Variants in IQSEC1 observed in about 807,000 individuals in gnomAD.
IQSEC1 encodes IQ motif and SEC7 domain-containing protein 1.
Under a neutral mutation model 91.0 loss-of-function variants are expected in IQSEC1, and 31 were observed. The observed-to-expected ratio is 0.34, with a 90% CI of 0.26 to 0.46. The LOEUF is 0.46. Ranked by LOEUF, IQSEC1 falls within the 20% of genes least tolerant of loss-of-function variation. IQSEC1 has a pLI of 1.00. For missense variants in IQSEC1, 1,388 were observed against 1,575.6 expected (o/e 0.88, Z 2.02); for synonymous variants, 699 against 662.6 (o/e 1.05, Z -0.84).
chr3:13,026,550 G>A (rs1433761672), intron 1 of IQSEC1, among the ~76,000 whole-genome samples: 1 of 152,190 alleles, frequency 6.6e-6, no homozygotes, highest in Non-Finnish European at 1.5e-5. Context: ...AGCCTGGTGG[G>A]GCTGGCCTTC....
At chr3:13,269,651 C>A (rs1695559496) in intron 1 of IQSEC1, among the ~76,000 whole-genome samples, 1 of 152,228 alleles carries the variant, frequency 6.6e-6, no homozygotes, top group Non-Finnish European at 1.5e-5. Context: ...CCTCCACAGA[C>A]AGGCCAGCTC....
chr3:12,995,046 C>A (rs1011056604), intron 1 of IQSEC1: 1 of 152,296 alleles, frequency 6.6e-6, no homozygotes, highest in Non-Finnish European at 1.5e-5. Flanking sequence ...CCCTGAACGC[C>A]GGGCCGGGAG....
At chr3:13,049,564 C>T (rs1285378920) in intron 1 of IQSEC1, among the ~76,000 whole-genome samples, 1 of 152,182 alleles carries the variant, frequency 6.6e-6, no homozygotes. Flanking sequence ...AACACCATTC[C>T]ATTCCCTGCC....
At position 13,207,811 on chromosome 3, in the gene IQSEC1, C is replaced by T. The variant is rs998527892; in HGVS notation, c.273-43678G>A. Among the ~76,000 whole-genome samples, 1 of 152,194 alleles carries T rather than the reference C, an allele frequency of 6.6e-6. No individual in the cohort carries two copies. The highest frequency in any genetic ancestry group is 1.5e-5 in the Non-Finnish European group (1 of 68,028). The stretch of plus-strand genomic sequence containing the variant: ...CTGCCACCCGGCCACGTGGTCCGGC[C>T]AGCCTTGTGTGGTCCCCATACACTG... On this transcript the variant is annotated intron_variant, in intron 1 of 15. Transcript: ENST00000648114. This position sits in a 1 kb window ranked among gnomAD's most constrained non-coding sequence, Gnocchi z 4.8.
intron 1 of IQSEC1, among the ~76,000 whole-genome samples, chr3:13,234,741 A>G (rs1215418189): frequency 6.6e-6 from 1 of 151,612 alleles, no homozygotes; most frequent in Non-Finnish European, 1.5e-5. Flanking sequence ...GCCTCTCACA[A>G]CTCTCGGGTG....
chr3:13,065,072 C>T (rs1000268796), intron 1 of IQSEC1, among the ~76,000 whole-genome samples: 2 of 152,258 alleles, frequency 1.3e-5, no homozygotes, highest in African/African-American at 2.4e-5. Flanking sequence ...ACACACAGGG[C>T]TTGGCTTCCT....
chr3:13,191,362 T>C (rs1694026956), intron 1 of IQSEC1, among the ~76,000 whole-genome samples: 2 of 152,258 alleles, frequency 1.3e-5, no homozygotes, highest in Admixed American at 1.3e-4. Context: ...TCACTTATTT[T>C]GTTTTCTGTG....
rs1186718371 is a variant in IQSEC1 at position 12,924,856 on chromosome 3, C to T, written c.1569-114G>A. 8 of 1,009,154 alleles carry T rather than the reference C, an allele frequency of 7.9e-6. No individual in the cohort carries two copies. The South Asian group carries it at 8.7e-5, about 11-fold the overall frequency. 62.5% of individuals were successfully genotyped at this position (1,009,154 alleles called of 1,614,324 possible). On this transcript the variant is annotated intron_variant, in intron 3 of 13. Coordinates refer to ENST00000613206, the MANE Select transcript of IQSEC1 (RefSeq NM_001134382.3). This position sits in a 1 kb window ranked among gnomAD's most constrained non-coding sequence, Gnocchi z 6.3. Reference sequence around the variant, plus strand: ...CATTCTCCCTCCCTGCCCACCTGCACCGGCCTTCATCCCTGTAGGCATTCA... The same window carrying T: ...CATTCTCCCTCCCTGCCCACCTGCATCGGCCTTCATCCCTGTAGGCATTCA...
chr3:13,095,890 T>A (rs1332055766), intron 2 of IQSEC1, among the ~76,000 whole-genome samples: 1 of 152,036 alleles, frequency 6.6e-6, no homozygotes, highest in Non-Finnish European at 1.5e-5. Context: ...GGCGGCGAGA[T>A]TCACGTGAGA....
intron 1 of IQSEC1, among the ~76,000 whole-genome samples, chr3:13,172,868 G>A (rs1412033993): frequency 6.6e-6 from 1 of 152,180 alleles, no homozygotes; most frequent in East Asian, 1.9e-4. Context: ...GGGCCTCAGT[G>A]TTCCCCCCTG....
At chr3:12,907,938 G>A (rs530498221) in intron 12 of IQSEC1, among the ~76,000 whole-genome samples, 2 of 152,302 alleles carry the variant, frequency 1.3e-5, no homozygotes, top group South Asian at 2.1e-4. Context: ...GGGGGCGCCA[G>A]ACAGATTAGA....
chr3:12,899,557 G>A lies in IQSEC1; in HGVS notation c.*1426C>T. On this transcript the variant is annotated 3_prime_UTR_variant, in exon 14 of 14. Transcript: ENST00000613206. ...AGAGCACAGCTGAGAGTCATGTGAT[G>A]CCCTGGCAGCTCACTGGACCATGGG... 2.0e-6 allele frequency: 3 copies of A among 1,498,408 alleles called. No individual in the cohort carries two copies. The highest frequency in any genetic ancestry group is 2.7e-6 in the Non-Finnish European group (3 of 1,114,442). 92.8% of individuals were successfully genotyped at this position (1,498,408 alleles called of 1,614,324 possible). A position where few individuals can be genotyped will look rare whatever the true frequency, so the allele number is the denominator to read the frequency against.
At chr3:13,043,917 CA>C (rs1416053914) in intron 1 of IQSEC1, among the ~76,000 whole-genome samples, 1 of 152,202 alleles carries the variant, frequency 6.6e-6, no homozygotes, top group Non-Finnish European at 1.5e-5. Flanking sequence ...GATGAGGAAA[CA>C]GAGGCACAGA....
chr3:13,040,736 T>C (rs1280367229), intron 1 of IQSEC1, among the ~76,000 whole-genome samples: 3 of 152,182 alleles, frequency 2.0e-5, no homozygotes, highest in Non-Finnish European at 4.4e-5. Context: ...GTTTTTCCCA[T>C]GTGGTTTCCC....
At chr3:13,029,612 T>C (rs1431751766) in intron 1 of IQSEC1, among the ~76,000 whole-genome samples, 2 of 152,232 alleles carry the variant, frequency 1.3e-5, no homozygotes, top group African/African-American at 4.8e-5. Context: ...AGCCCCTGTA[T>C]CCTGACTCCC....
At chr3:13,104,280 G>C (rs1428748934) in intron 2 of IQSEC1, among the ~76,000 whole-genome samples, 1 of 152,154 alleles carries the variant, frequency 6.6e-6, no homozygotes, top group Non-Finnish European at 1.5e-5. Context: ...GGCAAATCTA[G>C]AGTATTTCAT....
At chr3:13,279,116 G>A (rs1202557418) in intron 1 of IQSEC1, among the ~76,000 whole-genome samples, 1 of 152,152 alleles carries the variant, frequency 6.6e-6, no homozygotes, top group African/African-American at 2.4e-5. Context: ...TTTGGGTCTG[G>A]GTGATTTTCA....
chr3:12,986,392 T>C (rs1030640968), intron 1 of IQSEC1, among the ~76,000 whole-genome samples: 2 of 152,214 alleles, frequency 1.3e-5, no homozygotes, highest in African/African-American at 4.8e-5. Flanking sequence ...TGCAGCTTCC[T>C]TGGGGTCACA....
chr3:13,197,752 C>T (rs1437785675), intron 1 of IQSEC1, among the ~76,000 whole-genome samples: 1 of 152,158 alleles, frequency 6.6e-6, no homozygotes, highest in Non-Finnish European at 1.5e-5. Flanking sequence ...GAAGTGTGCC[C>T]CGTTCACAGG....
Sources: allele counts gnomAD v4.1 joint callset (sites outside exome capture counted in the v4.1 genomes callset), GRCh38; gene constraint gnomAD v4.1.1; non-coding constraint Gnocchi (gnomAD v3.1); transcripts MANE v1.5; gene names NCBI Gene and HGNC (gene_info 2026-07-23, HGNC 2026-07-21).